SAMMSON: variants seen among roughly 807,000 people sequenced by gnomAD.
The protein encoded by SAMMSON is long intergenic non-protein coding RNA 1212.
intron 3 of SAMMSON, among the ~76,000 whole-genome samples, chr3:70,059,862 A>C (rs1439470662): frequency 1.3e-5 from 2 of 152,144 alleles, no homozygotes; most frequent in Non-Finnish European, 2.9e-5. Flanking sequence ...TCTTACAAAT[A>C]TTTAGAATCA....
At chr3:70,412,555 T>C (rs994055963) in intron 2 of SAMMSON, among the ~76,000 whole-genome samples, 2 of 152,196 alleles carry the variant, frequency 1.3e-5, no homozygotes, top group African/African-American at 4.8e-5. Context: ...AGTTGAAGTA[T>C]AAGTAAGTCA....
rs76718251 is a variant in SAMMSON at position 70,004,458 on chromosome 3, A to G, written n.22+4591A>G. Among the ~76,000 whole-genome samples, 1,181 of 152,292 alleles carry G rather than the reference A, an allele frequency of 7.8e-3. 18 individuals are homozygous for G. Among genetic ancestry groups the G allele is most frequent in the African/African-American group, 0.026 (1,101 of 41,568 alleles). ...ACTTTATTATTCTGTAGGTGCAATA[A>G]TGAAAGAAAACCTGGGTGACAGTCA... On this transcript the variant is annotated intron_variant and non_coding_transcript_variant, in intron 1 of 9. Transcript: ENST00000642114.
chr3:70,049,864 A>G (rs893349226), intron 3 of SAMMSON, among the ~76,000 whole-genome samples: 1 of 152,060 alleles, frequency 6.6e-6, no homozygotes, highest in Admixed American at 6.6e-5. Context: ...TGATGTGTGG[A>G]AAGAGCACAG....
At chr3:70,037,434 G>A (rs749289296) in intron 3 of SAMMSON, among the ~76,000 whole-genome samples, 11 of 152,054 alleles carry the variant, frequency 7.2e-5, no homozygotes, top group Non-Finnish European at 1.0e-4. Context: ...CTCCTCCTCC[G>A]CCCCGACTAC....
chr3:70,149,215 A>T (rs1422490638), intron 4 of SAMMSON, among the ~76,000 whole-genome samples: 1 of 152,070 alleles, frequency 6.6e-6, no homozygotes, highest in Non-Finnish European at 1.5e-5. Context: ...TTTACAAACC[A>T]TTTATGTTGA....
chr3:70,274,551 C>G (rs1051938908), intron 6 of SAMMSON, among the ~76,000 whole-genome samples: 42 of 152,222 alleles, frequency 2.8e-4, no homozygotes, highest in African/African-American at 9.9e-4. Flanking sequence ...ACACTGCATG[C>G]TCTCACTTAT....
intron 4 of SAMMSON, among the ~76,000 whole-genome samples, chr3:70,174,132 T>G (rs1403866083): frequency 6.6e-6 from 1 of 152,000 alleles, no homozygotes; most frequent in Admixed American, 6.6e-5. Context: ...ACAGATTTTG[T>G]TTTTTGACTA....
chr3:70,057,935 A>C (rs1024598361), intron 3 of SAMMSON, among the ~76,000 whole-genome samples: 2 of 152,082 alleles, frequency 1.3e-5, no homozygotes, highest in African/African-American at 4.8e-5. Flanking sequence ...TCAGAGCCAA[A>C]GAGAAAGGGA....
chr3:70,365,050 A>T (rs749256623), intron 9 of SAMMSON, among the ~76,000 whole-genome samples: 11 of 151,702 alleles, frequency 7.3e-5, no homozygotes, highest in Non-Finnish European at 1.3e-4. Context: ...ATTAAGGTTC[A>T]TTCTTTATGC....
chr3:70,315,907 G>C (rs571125691), intron 7 of SAMMSON, among the ~76,000 whole-genome samples: 23 of 152,078 alleles, frequency 1.5e-4, no homozygotes, highest in Non-Finnish European at 2.5e-4. Context: ...CCTGTACAAA[G>C]AGTGTTCATT....
rs1362861416 is a variant in SAMMSON at position 70,366,001 on chromosome 3, T to TTTTTTTTC, written n.913+7677_913+7678insTTTTTTTC. Among the ~76,000 whole-genome samples the TTTTTTTTC allele has an allele frequency of 3.2e-4, 7 of 21,796 alleles. 2 individuals carry two copies. The highest frequency in any genetic ancestry group is 8.4e-4 in the African/African-American group (5 of 5,948). 14.3% of individuals were successfully genotyped at this position (21,796 alleles called of 152,430 possible). Reference sequence around the variant, plus strand: ...TTTTTTTTTTTTTTTTTTTTTTTTTTGAGACGGAGTCTCGCTCTGTCGCCC... The same window carrying TTTTTTTTC: ...TTTTTTTTTTTTTTTTTTTTTTTTTTTTTTTTTCGAGACGGAGTCTCGCTCTGTCGCCC... On this transcript the variant is annotated intron_variant and non_coding_transcript_variant, in intron 9 of 9. Coordinates refer to ENST00000642114, the Ensembl canonical transcript of SAMMSON.
chr3:70,412,011 G>T (rs1025332342), intron 2 of SAMMSON, among the ~76,000 whole-genome samples: 1 of 152,098 alleles, frequency 6.6e-6, no homozygotes, highest in Non-Finnish European at 1.5e-5. Context: ...GAACCAAGAA[G>T]GACATTTCCT....
At chr3:70,285,860 T>A in intron 6 of SAMMSON, among the ~76,000 whole-genome samples, 1 of 152,138 alleles carries the variant, frequency 6.6e-6, no homozygotes, top group Non-Finnish European at 1.5e-5. Flanking sequence ...TGTCTTCTTT[T>A]GAGAAGTGTC....
At chr3:70,106,914 C>T (rs975794107) in intron 4 of SAMMSON, among the ~76,000 whole-genome samples, 24 of 152,166 alleles carry the variant, frequency 1.6e-4, no homozygotes, top group African/African-American at 5.3e-4. Context: ...CTAATAAGAG[C>T]TATTTTCTGA....
rs747852519 is a variant in SAMMSON at position 70,148,441 on chromosome 3, ATTTGTC to A, written n.507+76879_507+76884del. On this transcript the variant is annotated intron_variant and non_coding_transcript_variant, in intron 4 of 9. Coordinates refer to ENST00000642114, the Ensembl canonical transcript of SAMMSON. The stretch of plus-strand genomic sequence containing the variant: ...TCTTGTGCAATAGCTTGTACAAGTA[ATTTGTC>A]TTAGTCTGTTTGTGTTGCTATAAAG... 2.6e-4 allele frequency among the ~76,000 whole-genome samples: 40 copies of A among 152,238 alleles called. No individual in the cohort carries two copies. The Middle Eastern group carries it at 0.014, about 52-fold the overall frequency.
At chr3:70,155,050 T>C (rs1006493448) in intron 4 of SAMMSON, among the ~76,000 whole-genome samples, 4 of 151,884 alleles carry the variant, frequency 2.6e-5, no homozygotes, top group Admixed American at 6.6e-5. Context: ...GTATGTTTAG[T>C]GGTCAGATAG....
chr3:70,410,618 T>G (rs1701210620), intron 2 of SAMMSON, among the ~76,000 whole-genome samples: 1 of 152,200 alleles, frequency 6.6e-6, no homozygotes, highest in Non-Finnish European at 1.5e-5. Context: ...ACCTTCATTA[T>G]GGCAATGAGA....
At chr3:70,372,115 A>G (rs1289437637) in intron 9 of SAMMSON, among the ~76,000 whole-genome samples, 1 of 151,972 alleles carries the variant, frequency 6.6e-6, no homozygotes, top group Non-Finnish European at 1.5e-5. Context: ...TCTTCATTAT[A>G]TTGATTTCTT....
intron 3 of SAMMSON, among the ~76,000 whole-genome samples, chr3:70,027,002 A>T (rs1160933274): frequency 6.6e-6 from 1 of 152,022 alleles, no homozygotes; most frequent in African/African-American, 2.4e-5. Context: ...TGATTCCCAG[A>T]CTCTACTGGG....
Sources: allele counts gnomAD v4.1 joint callset (sites outside exome capture counted in the v4.1 genomes callset), GRCh38; gene constraint gnomAD v4.1.1; transcripts MANE v1.5; gene names NCBI Gene and HGNC (gene_info 2026-07-23, HGNC 2026-07-21).